RIMBP2: variants seen among roughly 807,000 people sequenced by gnomAD.
The protein encoded by RIMBP2 is RIMS binding protein 2, also known as RIMS-binding protein 2.
A neutral mutation model predicts 118.6 loss-of-function variants in RIMBP2; 48 were observed. The ratio of observed to expected loss-of-function variants is 0.40; its 90% CI spans 0.32 to 0.51. The LOEUF (loss-of-function observed/expected upper bound fraction) is 0.51, where lower values mean the gene tolerates loss of function less well. Among genes scored for constraint, RIMBP2 ranks in the 20% least tolerant of loss-of-function variants. The pLI, the probability that RIMBP2 is intolerant of heterozygous loss-of-function variation, is 0.41. For missense variants in RIMBP2, 1,551 were observed against 1,768.3 expected, an observed-to-expected ratio of 0.88 and a Z score of 2.20; for synonymous variants, 762 against 742.9, an observed-to-expected ratio of 1.03 and a Z score of -0.42.
chr12:130,677,730 CA>C (rs201697317), intron 1 of RIMBP2, among the ~76,000 whole-genome samples: 4,767 of 152,324 alleles, frequency 0.031, 133 homozygotes, highest in East Asian at 0.11. Flanking sequence ...AACTGTCCAT[CA>C]GGGCCCCACT....
intron 17 of RIMBP2, chr12:130,414,590 G>C: frequency 3.7e-6 from 1 of 268,722 alleles, no homozygotes; most frequent in Non-Finnish European, 7.1e-6. Flanking sequence ...CTGGGGCAGG[G>C]GCTGCGGCCG....
intron 2 of RIMBP2, among the ~76,000 whole-genome samples, chr12:130,556,836 G>A (rs2056405537): frequency 6.6e-6 from 1 of 152,200 alleles, no homozygotes; most frequent in Non-Finnish European, 1.5e-5. Context: ...ATGAGATGTG[G>A]AGAAGGTCAG....
intron 9 of RIMBP2, 128 bp from the exon 10 acceptor site, chr12:130,445,397 C>T (rs1028700095): frequency 3.2e-5 from 19 of 596,036 alleles, no homozygotes; most frequent in South Asian, 7.3e-5. Flanking sequence ...CCCACATAAT[C>T]GTTCGGGGCT....
chr12:130,608,240 A>G (rs888861149), intron 2 of RIMBP2, among the ~76,000 whole-genome samples: 3 of 152,222 alleles, frequency 2.0e-5, no homozygotes, highest in Non-Finnish European at 4.4e-5. Flanking sequence ...GAATAAAACA[A>G]CACACAACAG....
intron 2 of RIMBP2, among the ~76,000 whole-genome samples, chr12:130,604,582 C>CTTTTTTTT (rs777097560): frequency 0.074 from 4,950 of 66,528 alleles, 1,010 homozygotes; most frequent in East Asian, 0.15. Flanking sequence ...TGCCCCTTTT[C>CTTTTTTTT]TTTCTTTTTT....
chr12:130,521,078 A>T (rs7967039), intron 2 of RIMBP2, among the ~76,000 whole-genome samples: 6,141 of 152,166 alleles, frequency 0.04, 276 homozygotes, highest in African/African-American at 0.1. Flanking sequence ...TTGGGGGGGA[A>T]ATCAGAAAAT....
intron 1 of RIMBP2, among the ~76,000 whole-genome samples, chr12:130,674,384 G>A (rs11061076): frequency 0.012 from 1,802 of 152,268 alleles, 14 homozygotes; most frequent in Non-Finnish European, 0.02. Context: ...TTACCGCAGT[G>A]TGAGAATGGA....
Position 130,398,314 on chromosome 12 carries a change from C to T in RIMBP2, c.3901-765G>A, listed in dbSNP as rs575527533. ...CAGCAGCATTCCTCTGGCCCTACCT[C>T]TCCAGAGCAACTCTTGCCATGTGAG... is the stretch of plus-strand genomic sequence containing the variant. On this transcript the variant is annotated intron_variant, in intron 22 of 22. Coordinates refer to ENST00000690449, the MANE Select transcript of RIMBP2 (RefSeq NM_001393629.1). 6.6e-5 allele frequency: 10 copies of T among 152,430 alleles called. No homozygotes were observed. In the East Asian group the frequency reaches 1.9e-3, roughly 29 times the overall value. 9.4% of individuals were successfully genotyped at this position (152,430 alleles called of 1,614,324 possible).
intron 1 of RIMBP2, among the ~76,000 whole-genome samples, chr12:130,655,258 CTGTTT>C (rs1189233456): frequency 1.3e-5 from 2 of 152,230 alleles, no homozygotes; most frequent in African/African-American, 4.8e-5. Context: ...CATTACTTCC[CTGTTT>C]TATTTTCTTC....
chr12:130,543,285 C>A (rs1474425746), intron 2 of RIMBP2, among the ~76,000 whole-genome samples: 1 of 152,132 alleles, frequency 6.6e-6, no homozygotes, highest in African/African-American at 2.4e-5. Context: ...TGGTTTGTAG[C>A]CCTTGACATT....
At chr12:130,444,284 A>C (rs2078353636) in intron 10 of RIMBP2, among the ~76,000 whole-genome samples, 1 of 152,108 alleles carries the variant, frequency 6.6e-6, no homozygotes, top group African/African-American at 2.4e-5. Context: ...GCGAGTGGTG[A>C]GTGAGGCAGC....
At chr12:130,671,030 G>C (rs1377683064) in intron 1 of RIMBP2, among the ~76,000 whole-genome samples, 5 of 152,164 alleles carry the variant, frequency 3.3e-5, no homozygotes, top group Non-Finnish European at 7.3e-5. Context: ...AAAGTGCTGG[G>C]ATGACAGACG....
chr12:130,561,300 C>T (rs1291197634), intron 2 of RIMBP2, among the ~76,000 whole-genome samples: 1 of 152,190 alleles, frequency 6.6e-6, no homozygotes, highest in East Asian at 1.9e-4. Context: ...AATGAATACA[C>T]AGAGACACTT....
In RIMBP2 at chr12:130,523,689, C is replaced by T. The variant is rs2052428661; in HGVS notation, c.-216-5772G>A. Among the ~76,000 whole-genome samples, 1 of 152,252 alleles carries T rather than the reference C, an allele frequency of 6.6e-6. No homozygotes were observed. Among genetic ancestry groups the T allele is most frequent in the Non-Finnish European group, 1.5e-5 (1 of 68,046 alleles). ...CATTTCAATAATCCCTCCACCACCA[C>T]CACTGAGTGTGTATGTGTCAGTACC... On this transcript the variant is annotated intron_variant, in intron 2 of 22. Coordinates refer to ENST00000690449, the MANE Select transcript of RIMBP2 (RefSeq NM_001393629.1). This position sits in a 1 kb window ranked among gnomAD's most constrained non-coding sequence, Gnocchi z 4.4.
At chr12:130,486,218 C>T (rs893438974) in intron 4 of RIMBP2, among the ~76,000 whole-genome samples, 2 of 152,140 alleles carry the variant, frequency 1.3e-5, no homozygotes, top group Non-Finnish European at 2.9e-5. Flanking sequence ...CACTTTCGTG[C>T]CCTGACTGGA....
At chr12:130,556,650 C>T (rs372278050) in intron 2 of RIMBP2, among the ~76,000 whole-genome samples, 4 of 152,178 alleles carry the variant, frequency 2.6e-5, no homozygotes, top group African/African-American at 7.2e-5. Context: ...CTGGAAACAC[C>T]CCACCAGGAA....
intron 4 of RIMBP2, among the ~76,000 whole-genome samples, chr12:130,490,123 C>CAAA (rs35698241): frequency 3.4e-4 from 32 of 95,410 alleles, no homozygotes; most frequent in African/African-American, 1.2e-3. Context: ...GACTCTGTCT[C>CAAA]AAAAAAAAAA....
At chr12:130,646,030 G>C (rs551213285) in intron 1 of RIMBP2, among the ~76,000 whole-genome samples, 9 of 150,116 alleles carry the variant, frequency 6.0e-5, no homozygotes, top group African/African-American at 2.2e-4. Context: ...TCTGTGGTGC[G>C]GCAGCCAGTT....
intron 4 of RIMBP2, among the ~76,000 whole-genome samples, chr12:130,482,795 A>G (rs2082126990): frequency 6.7e-6 from 1 of 148,226 alleles, no homozygotes; most frequent in African/African-American, 2.5e-5. Flanking sequence ...ACCTCATCCC[A>G]ATACACCCAT....
Sources: allele counts gnomAD v4.1 joint callset (sites outside exome capture counted in the v4.1 genomes callset), GRCh38; gene constraint gnomAD v4.1.1; non-coding constraint Gnocchi (gnomAD v3.1); transcripts MANE v1.5; gene names NCBI Gene and HGNC (gene_info 2026-07-23, HGNC 2026-07-21).